CACNB4: variants seen among roughly 807,000 people sequenced by gnomAD.
The protein encoded by CACNB4 is voltage-dependent L-type calcium channel subunit beta-4.
Under a neutral mutation model 71.2 loss-of-function variants are expected in CACNB4, and 32 were observed. That is an observed-to-expected ratio of 0.45 (90% CI 0.34 to 0.60). The LOEUF (loss-of-function observed/expected upper bound fraction) is 0.60, where lower values mean the gene tolerates loss of function less well. Among genes scored for constraint, CACNB4 ranks in the 20% least tolerant of loss-of-function variants. The pLI, the probability that CACNB4 is intolerant of heterozygous loss-of-function variation, is 0.01. For synonymous variants in CACNB4, 231 were observed against 236.9 expected (o/e 0.97, Z 0.23); for missense variants, 464 against 647.9 (o/e 0.72, Z 3.08).
intron 9 of CACNB4, chr2:151,868,116 C>A (rs1219719320): frequency 6.6e-6 from 1 of 152,150 alleles, no homozygotes; most frequent in Non-Finnish European, 1.5e-5. Context: ...CAAATGCATA[C>A]AATTTATATT....
At chr2:151,877,453 T>C (rs971734277) in intron 4 of CACNB4, among the ~76,000 whole-genome samples, 1 of 152,202 alleles carries the variant, frequency 6.6e-6, no homozygotes, top group African/African-American at 2.4e-5. Context: ...CTCTAACCAA[T>C]TCTTAAAGAA....
chr2:152,049,883 G>A (rs1283111276), intron 2 of CACNB4, among the ~76,000 whole-genome samples: 1 of 152,264 alleles, frequency 6.6e-6, no homozygotes, highest in Non-Finnish European at 1.5e-5. Flanking sequence ...TGGTTTGACT[G>A]GTGACTGTCA....
chr2:151,954,060 G>A (rs888360801), intron 2 of CACNB4, among the ~76,000 whole-genome samples: 1 of 152,146 alleles, frequency 6.6e-6, no homozygotes, highest in Non-Finnish European at 1.5e-5. Flanking sequence ...ATGACCATGG[G>A]GATACAAGGA....
At chr2:152,033,948 G>A (rs1684421188) in intron 2 of CACNB4, among the ~76,000 whole-genome samples, 1 of 152,100 alleles carries the variant, frequency 6.6e-6, no homozygotes, top group Admixed American at 6.5e-5. Context: ...CATAATAGAA[G>A]CAAGAACTTT....
Position 151,954,642 on chromosome 2 carries a change from C to T in CACNB4, c.148-71272G>A, listed in dbSNP as rs2099867712. ...AGATTTCGGATATGGCCATCACAGACATAATAACTCTGATAATAATACAGT... is the reference window on the plus strand; with the variant it reads ...AGATTTCGGATATGGCCATCACAGATATAATAACTCTGATAATAATACAGT... On this transcript the variant is annotated intron_variant, in intron 2 of 13. Transcript: ENST00000539935. 5.3e-5 allele frequency among the ~76,000 whole-genome samples: 8 copies of T among 151,960 alleles called. No individual in the cohort carries two copies. The South Asian group carries it at 1.7e-3, about 32-fold the overall frequency.
rs73967706 is a variant in CACNB4, at chr2:151,871,174, C to T, written c.599-313G>A. On this transcript the variant is annotated intron_variant, in intron 6 of 13. Coordinates refer to ENST00000539935, the MANE Select transcript of CACNB4 (RefSeq NM_000726.5). ...CCAGCCAATCACCATGGGTTGTTCC[C>T]GTGCTGGACACAGCACAGTGTTGCT... 1,364 of 390,764 alleles carry T rather than the reference C, an allele frequency of 3.5e-3. 10 individuals carry two copies. Among genetic ancestry groups the T allele is most frequent in the African/African-American group, 0.023 (1,107 of 49,066 alleles). The allele number at this position is 390,764 out of a possible 1,614,324, so 24.2% of individuals were successfully genotyped here. A position where few individuals can be genotyped will look rare whatever the true frequency, so the allele number is the denominator to read the frequency against.
intron 2 of CACNB4, among the ~76,000 whole-genome samples, chr2:152,074,305 TACC>T (rs1686872219): frequency 6.6e-6 from 1 of 151,016 alleles, no homozygotes; most frequent in East Asian, 2.0e-4. Flanking sequence ...ATCACCGCTT[TACC>T]ACCATCGCCG....
chr2:151,892,576 ATG>A (rs1390781978), intron 2 of CACNB4, among the ~76,000 whole-genome samples: 2 of 152,200 alleles, frequency 1.3e-5, no homozygotes, highest in Admixed American at 1.3e-4. Context: ...CATTAAGGGA[ATG>A]TGTATGCATG....
At chr2:151,870,198 T>C (rs1302745176) in intron 8 of CACNB4, 1 of 689,294 alleles carries the variant, frequency 1.5e-6, no homozygotes, top group Admixed American at 2.1e-5. Flanking sequence ...TCATTCTCTA[T>C]TACTTCTAAT....
intron 2 of CACNB4, among the ~76,000 whole-genome samples, chr2:151,954,787 G>A (rs950030188): frequency 1.3e-5 from 2 of 149,912 alleles, no homozygotes; most frequent in African/African-American, 4.9e-5. Flanking sequence ...AAGAAACTAT[G>A]ATACACAGAC....
intron 2 of CACNB4, among the ~76,000 whole-genome samples, chr2:151,915,668 C>T (rs1491001118): frequency 6.6e-6 from 1 of 152,062 alleles, no homozygotes; most frequent in Non-Finnish European, 1.5e-5. Flanking sequence ...CATAGTGAAA[C>T]CACATCTCTA....
intron 2 of CACNB4, among the ~76,000 whole-genome samples, chr2:151,955,531 C>T (rs1019008512): frequency 2.0e-5 from 3 of 152,084 alleles, no homozygotes; most frequent in Admixed American, 2.0e-4. Flanking sequence ...GTGAATGGGG[C>T]AGATGCTGCT....
At chr2:151,928,776 T>G (rs1200512010) in intron 2 of CACNB4, among the ~76,000 whole-genome samples, 2 of 151,770 alleles carry the variant, frequency 1.3e-5, no homozygotes, top group Admixed American at 1.3e-4. Context: ...ATACAAAAAT[T>G]AGCAGGGCAT....
intron 2 of CACNB4, among the ~76,000 whole-genome samples, chr2:152,030,014 T>C (rs1398226589): frequency 3.3e-5 from 5 of 152,184 alleles, no homozygotes; most frequent in South Asian, 2.1e-4. Context: ...AAAGAGCAAA[T>C]TACACAAACA....
intron 2 of CACNB4, among the ~76,000 whole-genome samples, chr2:151,998,609 C>T (rs1682210435): frequency 6.6e-6 from 1 of 152,162 alleles, no homozygotes; most frequent in Non-Finnish European, 1.5e-5. Flanking sequence ...CAGAAATCCA[C>T]GGTGCTTATT....
intron 2 of CACNB4, among the ~76,000 whole-genome samples, chr2:152,013,290 A>T (rs1560131992): frequency 1.3e-5 from 2 of 152,348 alleles, no homozygotes; most frequent in Middle Eastern, 3.4e-3. Flanking sequence ...TCATTTGGAC[A>T]GAATATACAC....
At chr2:152,088,549 A>G (rs895194622) in intron 2 of CACNB4, among the ~76,000 whole-genome samples, 4 of 152,242 alleles carry the variant, frequency 2.6e-5, no homozygotes, top group African/African-American at 9.6e-5. Context: ...CTCCCAAAAC[A>G]AATACTACAA....
intron 2 of CACNB4, among the ~76,000 whole-genome samples, chr2:151,929,648 C>A (rs1401567788): frequency 6.6e-6 from 1 of 152,044 alleles, no homozygotes; most frequent in Non-Finnish European, 1.5e-5. Context: ...CCTGGGAATT[C>A]CAAGAGCATC....
intron 2 of CACNB4, among the ~76,000 whole-genome samples, chr2:152,038,074 A>C (rs1392025810): frequency 2.0e-5 from 3 of 152,238 alleles, no homozygotes; most frequent in African/African-American, 7.2e-5. Context: ...AAAGAAATGC[A>C]TGTCAGGAAC....
Sources: allele counts gnomAD v4.1 joint callset (sites outside exome capture counted in the v4.1 genomes callset), GRCh38; gene constraint gnomAD v4.1.1; transcripts MANE v1.5; gene names NCBI Gene and HGNC (gene_info 2026-07-23, HGNC 2026-07-21).